FHOD3: variants seen among roughly 807,000 people sequenced by gnomAD.
The protein encoded by FHOD3 is formin homology 2 domain containing 3.
FHOD3 carries 90 observed loss-of-function variants against 173.0 expected under a neutral mutation model. The observed-to-expected ratio is 0.52, with a 90% CI of 0.44 to 0.62. The LOEUF is 0.62. Among genes scored for constraint, FHOD3 ranks in the 20% least tolerant of loss-of-function variants. The pLI is 0.00. For synonymous variants in FHOD3, 828 were observed against 823.0 expected (o/e 1.01, Z -0.10); for missense variants, 1,945 against 2,034.7 (o/e 0.96, Z 0.85).
At position 36,368,184 on chromosome 18, in the gene FHOD3, G is replaced by A. The variant is rs922112014; in HGVS notation, c.273-4496G>A. 9.9e-5 allele frequency among the ~76,000 whole-genome samples: 15 copies of A among 152,118 alleles called. No individual in the cohort carries two copies. The East Asian group carries it at 2.9e-3, about 29-fold the overall frequency. ...AAGGAATTGGCTCAGGCAGTTGTGG[G>A]GACTGGCAAATCTGAAATCTTCAGG... is the stretch of plus-strand genomic sequence containing the variant. On this transcript the variant is annotated intron_variant, in intron 2 of 28. Coordinates refer to ENST00000590592, the MANE Select transcript of FHOD3 (RefSeq NM_001281740.3).
chr18:36,344,134 G>A (rs184223790), intron 1 of FHOD3, among the ~76,000 whole-genome samples: 1 of 152,198 alleles, frequency 6.6e-6, no homozygotes. Flanking sequence ...AAATCAAGAT[G>A]CTTCTAGGAA....
chr18:36,359,990 C>G (rs1297842432), intron 2 of FHOD3, among the ~76,000 whole-genome samples: 1 of 152,206 alleles, frequency 6.6e-6, no homozygotes. Flanking sequence ...AGGTCAGGTG[C>G]CCTGAGATCT....
intron 3 of FHOD3, among the ~76,000 whole-genome samples, chr18:36,415,588 A>G (rs1404360080): frequency 6.6e-6 from 1 of 152,226 alleles, no homozygotes; most frequent in Non-Finnish European, 1.5e-5. Flanking sequence ...GAACTGTTTT[A>G]TTCAGGCAAC....
At chr18:36,615,849 A>G (rs2033147425) in intron 9 of FHOD3, among the ~76,000 whole-genome samples, 1 of 152,220 alleles carries the variant, frequency 6.6e-6, no homozygotes, top group Non-Finnish European at 1.5e-5. Flanking sequence ...TACTGTCATA[A>G]TAAGTGACAA....
chr18:36,320,828 G>T (rs890606926), intron 1 of FHOD3, among the ~76,000 whole-genome samples: 3 of 152,206 alleles, frequency 2.0e-5, no homozygotes, highest in African/African-American at 7.2e-5. Context: ...TTGAGCACCT[G>T]CTAAGCACTG....
rs549258792 is a variant in FHOD3 at position 36,321,681 on chromosome 18, C to G, written c.165+23681C>G. On this transcript the variant is annotated intron_variant, in intron 1 of 28. Coordinates refer to ENST00000590592, the MANE Select transcript of FHOD3 (RefSeq NM_001281740.3). ...GGCAGACACTCCTTTGGGGGACTTG[C>G]AGGTGGCTGGTTGGGGGACTGCCCA... Among the ~76,000 whole-genome samples, 7 of 152,252 alleles carry G rather than the reference C, an allele frequency of 4.6e-5. No homozygotes were observed. In the East Asian group the frequency reaches 1.4e-3, roughly 29 times the overall value.
intron 3 of FHOD3, among the ~76,000 whole-genome samples, chr18:36,377,427 G>C (rs2047498647): frequency 6.6e-6 from 1 of 152,168 alleles, no homozygotes; most frequent in South Asian, 2.1e-4. Flanking sequence ...GGTGGCCTTT[G>C]GAAAATTAGC....
chr18:36,348,665 C>T lies in FHOD3; in HGVS notation c.166-6874C>T, dbSNP rs77286685. ...CTTGGCTGACTGCTCCCTCACTCCC[C>T]GGTGCTCCAGGCTCTGTTTGGGCTC... On this transcript the variant is annotated intron_variant, in intron 1 of 28. Coordinates refer to ENST00000590592, the MANE Select transcript of FHOD3 (RefSeq NM_001281740.3). Among the ~76,000 whole-genome samples, 1,081 of 152,270 alleles carry T rather than the reference C, an allele frequency of 7.1e-3. 9 individuals carry two copies. The highest frequency in any genetic ancestry group is 0.025 in the African/African-American group (1,024 of 41,548).
chr18:36,532,036 T>G (rs895033369), intron 5 of FHOD3, among the ~76,000 whole-genome samples: 4 of 152,240 alleles, frequency 2.6e-5, no homozygotes, highest in African/African-American at 9.6e-5. Context: ...ACTGCTGGCC[T>G]GCTTCTGTTC....
At chr18:36,534,775 A>ACC (rs1253819355) in intron 5 of FHOD3, among the ~76,000 whole-genome samples, 1 of 152,158 alleles carries the variant, frequency 6.6e-6, no homozygotes, top group Admixed American at 6.5e-5. Flanking sequence ...GCGCTGCTGA[A>ACC]CCAGGTGGCT....
intron 1 of FHOD3, among the ~76,000 whole-genome samples, chr18:36,314,158 T>A (rs776340555): frequency 3.0e-4 from 45 of 152,218 alleles, no homozygotes; most frequent in Middle Eastern, 3.2e-3. Context: ...TTCTTAATTC[T>A]TATGCCTCCC....
Position 36,709,410 on chromosome 18 carries a change from T to C in FHOD3, c.2533+19T>C. The C allele has an allele frequency of 6.2e-7, 1 of 1,601,918 alleles. No individual in the cohort carries two copies. Among genetic ancestry groups the C allele is most frequent in the South Asian group, 1.1e-5 (1 of 89,420 alleles). Reference sequence around the variant, plus strand: ...ACAACTGGTAAATGAAGCCCCTTGTTTCAGTCGGCATGTGCCAGGGAGGCC... The same window carrying C: ...ACAACTGGTAAATGAAGCCCCTTGTCTCAGTCGGCATGTGCCAGGGAGGCC... On this transcript the variant is annotated intron_variant, in intron 18 of 28. Coordinates refer to ENST00000590592, the MANE Select transcript of FHOD3 (RefSeq NM_001281740.3).
intron 13 of FHOD3, among the ~76,000 whole-genome samples, chr18:36,656,433 GC>G (rs1413470608): frequency 1.3e-5 from 2 of 152,130 alleles, no homozygotes; most frequent in Non-Finnish European, 2.9e-5. Context: ...TATGCTCTGA[GC>G]CTCTCTCTGT....
In FHOD3 at chr18:36,338,710, T is replaced by A. The variant is rs780689198; in HGVS notation, c.166-16829T>A. Among the ~76,000 whole-genome samples the A allele has an allele frequency of 2.0e-5, 3 of 152,268 alleles. No individual in the cohort carries two copies. The South Asian group carries it at 6.2e-4, about 32-fold the overall frequency. ...CTCACCCTCTAGTATTCTTAAAAGCTTTTCCTAGAAGTCCGCAGTCACAGC... is the reference window on the plus strand; with the variant it reads ...CTCACCCTCTAGTATTCTTAAAAGCATTTCCTAGAAGTCCGCAGTCACAGC... On this transcript the variant is annotated intron_variant, in intron 1 of 28. Coordinates refer to ENST00000590592, the MANE Select transcript of FHOD3 (RefSeq NM_001281740.3).
chr18:36,693,377 T>G lies in FHOD3; in HGVS notation c.2190T>G (p.Ala730=), dbSNP rs767372447. Reference sequence around the variant, plus strand: ...CCTCATCTTCAGACTCTCAAGAGGCTCTCACGGTGTCTGCCTCCTCCCCAG... The same window carrying G: ...CCTCATCTTCAGACTCTCAAGAGGCGCTCACGGTGTCTGCCTCCTCCCCAG... ...HSPSSSDSQE[A]LTVSASSPGT... The change falls in exon 17 of 29, where the codon GCT becomes GCG. Residue 730 remains alanine (A), a synonymous_variant. Coordinates refer to ENST00000590592, the MANE Select transcript of FHOD3 (RefSeq NM_001281740.3). The G allele has an allele frequency of 6.2e-7, 1 of 1,613,724 alleles. No individual in the cohort carries two copies. Among genetic ancestry groups the G allele is most frequent in the South Asian group, 1.1e-5 (1 of 91,032 alleles).
At chr18:36,420,180 G>A (rs145300086) in intron 3 of FHOD3, among the ~76,000 whole-genome samples, 7 of 152,188 alleles carry the variant, frequency 4.6e-5, no homozygotes, top group South Asian at 2.1e-4. Flanking sequence ...ACACTCTCTC[G>A]GGCCTCTGTG....
intron 10 of FHOD3, among the ~76,000 whole-genome samples, chr18:36,639,488 G>A (rs7233014): frequency 0.47 from 72,064 of 151,914 alleles, 18,619 homozygotes; most frequent in African/African-American, 0.68. Context: ...GTGAAACCCC[G>A]TCTCTACTAA....
At chr18:36,465,065 C>T (rs992266223) in intron 3 of FHOD3, among the ~76,000 whole-genome samples, 119 of 152,278 alleles carry the variant, frequency 7.8e-4, no homozygotes, top group African/African-American at 2.7e-3. Flanking sequence ...CTGTGGCTCA[C>T]GCCTGTAATC....
At chr18:36,703,369 C>G (rs1351720718) in intron 17 of FHOD3, among the ~76,000 whole-genome samples, 1 of 152,144 alleles carries the variant, frequency 6.6e-6, no homozygotes, top group Non-Finnish European at 1.5e-5. Flanking sequence ...AGTCAGCATC[C>G]TCAGGCACAG....
Sources: allele counts gnomAD v4.1 joint callset (sites outside exome capture counted in the v4.1 genomes callset), GRCh38; gene constraint gnomAD v4.1.1; transcripts MANE v1.5; gene names NCBI Gene and HGNC (gene_info 2026-07-23, HGNC 2026-07-21).